Variants in CYP51A1 observed in about 807,000 individuals in gnomAD.
CYP51A1 encodes the protein cytochrome P450 family 51 subfamily A member 1.
In CYP51A1, 45 loss-of-function variants were observed where a neutral mutation model predicts 53.5. That is an observed-to-expected ratio of 0.84 (90% CI 0.66 to 1.08). The LOEUF is 1.08. Among genes scored for constraint, CYP51A1 ranks in the 50% least tolerant of loss-of-function variants. The probability of loss-of-function intolerance (pLI) is 0.00; values close to 1 mark genes in which losing one functional copy is unlikely to be tolerated. For missense variants in CYP51A1, 462 were observed against 621.7 expected, an observed-to-expected ratio of 0.74 and a Z score of 2.73; for synonymous variants, 181 against 217.7, an observed-to-expected ratio of 0.83 and a Z score of 1.48.
intron 5 of CYP51A1, among the ~76,000 whole-genome samples, chr7:92,124,850 T>C (rs1819762628): frequency 6.6e-6 from 1 of 152,054 alleles, no homozygotes; most frequent in Non-Finnish European, 1.5e-5. Flanking sequence ...CAGGTAGAAA[T>C]GTACATTTAT....
chr7:92,118,553 T>G lies in CYP51A1; in HGVS notation c.1149A>C (p.Ile383=). The stretch of plus-strand genomic sequence containing the variant: ...TTCTGGCCATTCTCATCATGATCAT[T>G]ATAGGAGGTCTAAGTCTTAATGTTT... ...IKETLRLRPP[I]MIMMRMARTP... Residue 383 remains isoleucine (I), a synonymous_variant, in exon 8 of 10, where the codon ATA becomes ATC. Transcript: ENST00000003100. The G allele has an allele frequency of 1.3e-6, 2 of 1,598,052 alleles. No individual in the cohort carries two copies. The highest frequency in any genetic ancestry group is 1.7e-6 in the Non-Finnish European group (2 of 1,166,402).
intron 6 of CYP51A1, 94 bp from the exon 7 acceptor site, chr7:92,123,409 C>G: frequency 1.8e-6 from 2 of 1,093,118 alleles, no homozygotes; most frequent in Non-Finnish European, 2.7e-6. Context: ...ATACATTTTT[C>G]AGGTATAGTG....
intron 1 of CYP51A1, among the ~76,000 whole-genome samples, chr7:92,133,955 G>A (rs964835697): frequency 1.3e-5 from 2 of 152,136 alleles, no homozygotes; most frequent in Non-Finnish European, 2.9e-5. Flanking sequence ...AGGCAATGGC[G>A]GGTGCTACAG....
chr7:92,134,133 G>A, intron 1 of CYP51A1, 40 bp downstream of exon 1: 1 of 1,597,540 alleles, frequency 6.3e-7, no homozygotes, highest in Non-Finnish European at 8.5e-7. Context: ...CGCCTCAGCT[G>A]CGGCGCGCGC....
chr7:92,117,565 T>A (rs1449191124), intron 8 of CYP51A1: 1 of 165,890 alleles, frequency 6.0e-6, no homozygotes, highest in African/African-American at 2.4e-5. Flanking sequence ...AGGCTTTCAC[T>A]ATCAATTTGT....
intron 3 of CYP51A1, among the ~76,000 whole-genome samples, 192 bp from the exon 4 acceptor site, chr7:92,127,823 A>G (rs988455248): frequency 8.5e-5 from 13 of 152,184 alleles, no homozygotes; most frequent in Admixed American, 7.2e-4. Context: ...ATGAATATAT[A>G]TATCTGAACA....
At chr7:92,128,770 T>C in intron 3 of CYP51A1, 110 bp downstream of exon 3, 1 of 997,868 alleles carries the variant, frequency 1.0e-6, no homozygotes, top group Admixed American at 2.5e-5. Context: ...ATTACAGGAA[T>C]GAGCCACCAT....
At chr7:92,113,950 TATA>T in intron 9 of CYP51A1, 107 bp from the exon 10 acceptor site, 1 of 649,318 alleles carries the variant, frequency 1.5e-6, no homozygotes, top group East Asian at 2.9e-5. Context: ...GTACAGATAA[TATA>T]ATAAAAAGAT....
rs1340550303 is a variant in CYP51A1 at position 92,125,700 on chromosome 7, A to C, written c.770+553T>G. ...AGGATAAGGAATACGTGAGGTAAGCAGGCTTTTAAACTAGGCTGGGCTCAG... is the reference window on the plus strand; with the variant it reads ...AGGATAAGGAATACGTGAGGTAAGCCGGCTTTTAAACTAGGCTGGGCTCAG... On this transcript the variant is annotated intron_variant, in intron 5 of 9. Transcript: ENST00000003100. Among the ~76,000 whole-genome samples the C allele has an allele frequency of 2.0e-5, 3 of 152,246 alleles. 1 individual carries two copies. In the South Asian group the frequency reaches 6.2e-4, roughly 32 times the overall value.
At chr7:92,128,530 CTAA>C in intron 3 of CYP51A1, among the ~76,000 whole-genome samples, 1 of 151,646 alleles carries the variant, frequency 6.6e-6, no homozygotes, top group East Asian at 1.9e-4. Context: ...GTTGCCAAGG[CTAA>C]AGTGCAGTGT....
chr7:92,123,713 T>G, intron 6 of CYP51A1, 21 bp downstream of exon 6: 1 of 1,580,596 alleles, frequency 6.3e-7, no homozygotes, highest in Non-Finnish European at 8.6e-7. Flanking sequence ...CAGCTTAATA[T>G]GTTATCTGAA....
chr7:92,123,729 C>T lies in CYP51A1; in HGVS notation c.890+5G>A. On this transcript the variant is annotated splice_donor_5th_base_variant and intron_variant, in intron 6 of 9. Transcript: ENST00000003100. ...AGCTTAATATGTTATCTGAATAGCT[C>T]TTACTTGTATGTAGCATCTAGTAAA... 1 of 1,601,026 alleles carries T rather than the reference C, an allele frequency of 6.2e-7. No individual in the cohort carries two copies. Among genetic ancestry groups the T allele is most frequent in the Non-Finnish European group, 8.5e-7 (1 of 1,175,756 alleles).
chr7:92,123,325 G>A lies in CYP51A1; in HGVS notation c.891-10C>T. On this transcript the variant is annotated splice_polypyrimidine_tract_variant and intron_variant, in intron 6 of 9. Coordinates refer to ENST00000003100, the MANE Select transcript of CYP51A1 (RefSeq NM_000786.4). ...CAAAGGACGCCCATCCCTAAGGAAT[G>A]AACCAAAGACACAAATTTAACATTT... 1 of 1,600,164 alleles carries A rather than the reference G, an allele frequency of 6.2e-7. No individual in the cohort carries two copies. The highest frequency in any genetic ancestry group is 8.5e-7 in the Non-Finnish European group (1 of 1,172,644).
intron 7 of CYP51A1, among the ~76,000 whole-genome samples, chr7:92,119,688 A>C (rs1358756535): frequency 6.6e-6 from 1 of 152,194 alleles, no homozygotes; most frequent in Non-Finnish European, 1.5e-5. Flanking sequence ...ATTATTTTAA[A>C]TGTACAGTTT....
chr7:92,134,705 G>T (rs921825758), upstream of CYP51A1: 11 of 271,752 alleles, frequency 4.0e-5, no homozygotes, highest in Admixed American at 5.6e-4. Flanking sequence ...CGGGCGACCC[G>T]TTTTTTGTGT....
chr7:92,114,026 A>G (rs1192839709), intron 9 of CYP51A1, among the ~76,000 whole-genome samples, 183 bp from the exon 10 acceptor site: 1 of 152,196 alleles, frequency 6.6e-6, no homozygotes, highest in East Asian at 1.9e-4. Flanking sequence ...TCAATACCAC[A>G]TTTTAGGAAA....
intron 4 of CYP51A1, 143 bp downstream of exon 4, chr7:92,127,362 A>G (rs937590879): frequency 2.7e-6 from 2 of 734,396 alleles, no homozygotes; most frequent in Middle Eastern, 4.2e-4. Context: ...CTTCATGGTA[A>G]TCATTACATA....
chr7:92,126,533 C>CA (rs973887731), intron 4 of CYP51A1, 106 bp from the exon 5 acceptor site: 13 of 975,456 alleles, frequency 1.3e-5, no homozygotes, highest in African/African-American at 1.7e-5. Context: ...TTCATATCAT[C>CA]AAAAAAAGTC....
In CYP51A1 at chr7:92,134,120, G is replaced by T. The variant is rs1417822089; in HGVS notation, c.192+53C>A. 1.9e-6 allele frequency: 3 copies of T among 1,569,996 alleles called. No individual in the cohort carries two copies. The East Asian group carries it at 6.9e-5, about 36-fold the overall frequency. ...ACGGAGCCGCCCACGCCAGCCCTTC[G>T]GCCGCCTCAGCTGCGGCGCGCGCCC... On this transcript the variant is annotated intron_variant, in intron 1 of 9. Transcript: ENST00000003100.
Sources: allele counts gnomAD v4.1 joint callset (sites outside exome capture counted in the v4.1 genomes callset), GRCh38; gene constraint gnomAD v4.1.1; transcripts MANE v1.5; gene names NCBI Gene and HGNC (gene_info 2026-07-23, HGNC 2026-07-21).